Variants in SLC25A40 observed in about 807,000 individuals in gnomAD.
SLC25A40 encodes mitochondrial glutathione transporter SLC25A40.
Under a neutral mutation model 46.5 loss-of-function variants are expected in SLC25A40, and 41 were observed. The ratio of observed to expected loss-of-function variants is 0.88; its 90% CI spans 0.69 to 1.14. The LOEUF (loss-of-function observed/expected upper bound fraction) is 1.14. SLC25A40 is among the 50% of genes most tolerant of loss of function. SLC25A40 has a pLI of 0.00. For missense variants in SLC25A40, 386 were observed against 393.6 expected (o/e 0.98, Z 0.16); for synonymous variants, 126 against 127.5 (o/e 0.99, Z 0.08).
intron 1 of SLC25A40, among the ~76,000 whole-genome samples, chr7:87,868,881 G>A (rs1416150597): frequency 6.6e-6 from 1 of 152,014 alleles, no homozygotes; most frequent in Admixed American, 6.5e-5. Flanking sequence ...AAGGTTTCAG[G>A]GTACAGCTGT....
chr7:87,838,063 T>C (rs376942656), intron 10 of SLC25A40, among the ~76,000 whole-genome samples: 5 of 151,612 alleles, frequency 3.3e-5, no homozygotes, highest in South Asian at 2.1e-4. Flanking sequence ...TCTCTGACTA[T>C]GAATAAATGA....
intron 4 of SLC25A40, among the ~76,000 whole-genome samples, chr7:87,855,057 G>A (rs565811963): frequency 8.4e-4 from 128 of 151,568 alleles, no homozygotes; most frequent in Admixed American, 1.4e-3. Flanking sequence ...AGCTACTCAG[G>A]AGGCTGAAGT....
Position 87,854,248 on chromosome 7 carries a change from T to G in SLC25A40, c.220A>C (p.Asn74His). The G allele has an allele frequency of 6.2e-7, 1 of 1,613,486 alleles. No individual in the cohort carries two copies. The highest frequency in any genetic ancestry group is 8.5e-7 in the Non-Finnish European group (1 of 1,179,576). ...CCTGGCTTCTTATACCATAGTTTGTTGCCTCCCTCTTCACAGACACATAGA... is the reference window on the plus strand; with the variant it reads ...CCTGGCTTCTTATACCATAGTTTGTGGCCTCCCTCTTCACAGACACATAGA... Reference protein sequence around the residue: ...DHLCVCEEGGNKLWYKKPGNF... With the variant: ...DHLCVCEEGGHKLWYKKPGNF... Residue 74 changes from asparagine to histidine, a missense_variant, in exon 5 of 12, where the codon AAC (asparagine) becomes CAC (histidine). Coordinates refer to ENST00000341119, the MANE Select transcript of SLC25A40 (RefSeq NM_018843.4).
At chr7:87,844,322 T>C (rs1451439192) in intron 8 of SLC25A40, among the ~76,000 whole-genome samples, 1 of 152,088 alleles carries the variant, frequency 6.6e-6, no homozygotes, top group Non-Finnish European at 1.5e-5. Flanking sequence ...AACCATGGGA[T>C]CATGTAATGA....
chr7:87,856,223 G>T, intron 4 of SLC25A40, 69 bp downstream of exon 4: 1 of 1,212,378 alleles, frequency 8.2e-7, no homozygotes, highest in Non-Finnish European at 1.2e-6. Flanking sequence ...TGAATGTTAG[G>T]CAAAAAAAAA....
intron 4 of SLC25A40, among the ~76,000 whole-genome samples, chr7:87,855,768 T>C (rs1024695307): frequency 5.3e-5 from 8 of 152,316 alleles, no homozygotes; most frequent in African/African-American, 1.9e-4. Flanking sequence ...CCACTTAAAA[T>C]ATGGTTGCAA....
intron 1 of SLC25A40, among the ~76,000 whole-genome samples, chr7:87,869,444 A>C (rs974881781): frequency 1.3e-5 from 2 of 151,890 alleles, no homozygotes; most frequent in African/African-American, 4.8e-5. Context: ...TGGGAGGATC[A>C]CTTGAGCCTA....
chr7:87,839,491 C>G (rs1222973977), intron 10 of SLC25A40, among the ~76,000 whole-genome samples: 1 of 147,942 alleles, frequency 6.8e-6, no homozygotes, highest in Non-Finnish European at 1.5e-5. Context: ...TAAATGTGTT[C>G]AGAGAAAAAG....
intron 6 of SLC25A40, 78 bp downstream of exon 6, chr7:87,849,803 G>A (rs1838479625): frequency 1.9e-6 from 2 of 1,064,446 alleles, no homozygotes; most frequent in Non-Finnish European, 2.7e-6. Context: ...AAAAATGCAA[G>A]ACTTTGTCCA....
At chr7:87,868,259 G>A (rs955144342) in intron 1 of SLC25A40, among the ~76,000 whole-genome samples, 12 of 152,106 alleles carry the variant, frequency 7.9e-5, no homozygotes, top group African/African-American at 1.2e-4. Context: ...CAGAAGACTC[G>A]GAGGAAAAGT....
rs757106666 is a variant in SLC25A40, at chr7:87,836,255, T to C, written c.1011A>G (p.Gln337=). 1.1e-5 allele frequency: 17 copies of C among 1,580,814 alleles called. No homozygotes were observed. Among genetic ancestry groups the C allele is most frequent in the Non-Finnish European group, 1.0e-5 (12 of 1,163,306 alleles). ...FFQKQNVRRQ[Q]Y is the part of the protein sequence containing the mutation. The stretch of plus-strand genomic sequence containing the variant: ...TCAAGTTGAAACAGCATCACTAGTA[T>C]TGCTGCCTTCGAACATTTTGTTTCT... The change falls in exon 12 of 12, where the codon CAA becomes CAG. Residue 337 remains glutamine, a synonymous_variant. Transcript: ENST00000341119.
At chr7:87,863,062 A>AT (rs1243480522) in intron 1 of SLC25A40, among the ~76,000 whole-genome samples, 1 of 152,150 alleles carries the variant, frequency 6.6e-6, no homozygotes, top group Non-Finnish European at 1.5e-5. Flanking sequence ...ATCTCTGCAT[A>AT]TTTTTATCAG....
chr7:87,838,603 G>C (rs1234433191), intron 10 of SLC25A40, among the ~76,000 whole-genome samples: 1 of 151,242 alleles, frequency 6.6e-6, no homozygotes, highest in Non-Finnish European at 1.5e-5. Context: ...TCCAGTTAAA[G>C]CCCTCTATAT....
chr7:87,859,216 A>G (rs1377052530), intron 2 of SLC25A40, among the ~76,000 whole-genome samples: 3 of 152,132 alleles, frequency 2.0e-5, no homozygotes, highest in Admixed American at 6.5e-5. Context: ...GCACTTTTGG[A>G]GGCCGAGGCG....
chr7:87,873,429 CTTTTTT>C (rs573186397), intron 1 of SLC25A40, among the ~76,000 whole-genome samples: 2 of 125,682 alleles, frequency 1.6e-5, no homozygotes, highest in African/African-American at 3.2e-5. Flanking sequence ...GAAAGGTTAA[CTTTTTT>C]TTTTTTTTTT....
intron 1 of SLC25A40, among the ~76,000 whole-genome samples, chr7:87,864,571 C>T (rs1838759394): frequency 1.3e-5 from 2 of 152,102 alleles, no homozygotes; most frequent in African/African-American, 2.4e-5. Flanking sequence ...TTTATAGTGA[C>T]TTTGTCTCTT....
chr7:87,861,338 T>C (rs1838695835), intron 1 of SLC25A40, among the ~76,000 whole-genome samples: 1 of 152,216 alleles, frequency 6.6e-6, no homozygotes. Context: ...GTGACCATGG[T>C]CTGGTATTAG....
chr7:87,841,123 TAAAAAC>T (rs1428615501), intron 10 of SLC25A40, among the ~76,000 whole-genome samples: 1 of 147,520 alleles, frequency 6.8e-6, no homozygotes, highest in East Asian at 2.0e-4. Context: ...CAAGAAAGCT[TAAAAAC>T]AAAATGTGTG....
chr7:87,856,228 A>C, intron 4 of SLC25A40, 64 bp downstream of exon 4: 4 of 1,401,734 alleles, frequency 2.9e-6, no homozygotes, highest in Non-Finnish European at 3.9e-6. Context: ...GTTAGGCAAA[A>C]AAAAAAACCA....
Sources: gnomAD v4.1 joint callset for allele counts (sites outside exome capture counted in the v4.1 genomes callset) on GRCh38, gnomAD v4.1.1 for gene constraint, MANE v1.5 for transcripts, NCBI Gene and HGNC (gene_info 2026-07-23, HGNC 2026-07-21) for gene names.